Variants in PHC2 observed in about 807,000 individuals in gnomAD.
PHC2 encodes the protein polyhomeotic-like protein 2.
A neutral mutation model predicts 87.4 loss-of-function variants in PHC2; 29 were observed. That is an observed-to-expected ratio of 0.33 (90% CI 0.25 to 0.45). PHC2 has a LOEUF of 0.45. Among genes scored for constraint, PHC2 ranks in the 20% least tolerant of loss-of-function variants. The pLI is 1.00. For synonymous variants in PHC2, 438 were observed against 461.7 expected, an observed-to-expected ratio of 0.95 and a Z score of 0.66; for missense variants, 857 against 1,136.7, an observed-to-expected ratio of 0.75 and a Z score of 3.54.
chr1:33,347,564 T>C lies in PHC2; in HGVS notation c.1558+6837A>G, dbSNP rs185989976. 3,129 of 985,096 alleles carry C rather than the reference T, an allele frequency of 3.2e-3. 9 individuals carry two copies. Among genetic ancestry groups the C allele is most frequent in the South Asian group, 4.9e-3 (104 of 21,262 alleles). 61.0% of individuals were successfully genotyped at this position (985,096 alleles called of 1,614,324 possible). A position where few individuals can be genotyped will look rare whatever the true frequency, so the allele number is the denominator to read the frequency against. On this transcript the variant is annotated intron_variant, in intron 9 of 14. Coordinates refer to ENST00000683057, the MANE Select transcript of PHC2 (RefSeq NM_001385109.1). Reference sequence around the variant, plus strand: ...GTGCCACATGTCAGTAAAGAACAGTTTGGGGGAAAAAAGAAGGGGGTGAAA... The same window carrying C: ...GTGCCACATGTCAGTAAAGAACAGTCTGGGGGAAAAAAGAAGGGGGTGAAA...
chr1:33,346,052 T>C (rs1477730442), intron 9 of PHC2: 1 of 985,266 alleles, frequency 1.0e-6, no homozygotes, highest in Non-Finnish European at 1.2e-6. Flanking sequence ...ATTTAAAGCA[T>C]AAATCTATGT....
chr1:33,408,970 A>G (rs1447562687), intron 1 of PHC2, among the ~76,000 whole-genome samples: 3 of 152,214 alleles, frequency 2.0e-5, no homozygotes, highest in African/African-American at 4.8e-5. Flanking sequence ...AACAATGAGA[A>G]CTACTTTACA....
intron 1 of PHC2, among the ~76,000 whole-genome samples, chr1:33,391,345 T>C (rs1008533674): frequency 6.6e-6 from 1 of 152,226 alleles, no homozygotes; most frequent in East Asian, 1.9e-4. Flanking sequence ...TGATCTGCAC[T>C]TCAAGTCCTA....
chr1:33,423,261 T>C (rs1372305696), intron 1 of PHC2, among the ~76,000 whole-genome samples: 5 of 152,194 alleles, frequency 3.3e-5, no homozygotes, highest in Non-Finnish European at 7.3e-5. Context: ...ATGCAAGCCT[T>C]ATTTGTAACT....
chr1:33,340,485 A>G lies in PHC2; in HGVS notation c.1559-6193T>C, dbSNP rs1023451689. Reference sequence around the variant, plus strand: ...AACCATATCCAGGAGACAGCAGCAAACACAGCACATACCTGGTCCAAGCAA... The same window carrying G: ...AACCATATCCAGGAGACAGCAGCAAGCACAGCACATACCTGGTCCAAGCAA... On this transcript the variant is annotated intron_variant, in intron 9 of 14. Coordinates refer to ENST00000683057, the MANE Select transcript of PHC2 (RefSeq NM_001385109.1). 6.6e-5 allele frequency among the ~76,000 whole-genome samples: 10 copies of G among 152,312 alleles called. 1 individual carries two copies. Among genetic ancestry groups the G allele is most frequent in the African/African-American group, 2.2e-4 (9 of 41,552 alleles).
chr1:33,390,882 T>C (rs1570504397), intron 1 of PHC2, among the ~76,000 whole-genome samples: 5 of 152,306 alleles, frequency 3.3e-5, no homozygotes, highest in Middle Eastern at 3.4e-3. Flanking sequence ...TATGCACCCC[T>C]GAAATGCAGG....
At chr1:33,390,685 ATT>A (rs10616049) in intron 1 of PHC2, among the ~76,000 whole-genome samples, 47,194 of 148,028 alleles carry the variant, frequency 0.32, 7,392 homozygotes, top group Non-Finnish European at 0.34. Flanking sequence ...AGGAGTCAGC[ATT>A]TTTTTTTTTT....
rs955833699 is a variant in PHC2 at position 33,332,813 on chromosome 1, TTC to T, written c.1762-411_1762-410del. Among the ~76,000 whole-genome samples the T allele has an allele frequency of 6.6e-6, 1 of 152,072 alleles. No individual in the cohort carries two copies. The highest frequency in any genetic ancestry group is 2.4e-5 in the African/African-American group (1 of 41,418). ...ACGAGAGAGAGACTCAGCACCCATT[TTC>T]TGATTTTTTTACTGTTCTCCACCTT... On this transcript the variant is annotated intron_variant, in intron 10 of 14. Coordinates refer to ENST00000683057, the MANE Select transcript of PHC2 (RefSeq NM_001385109.1). This position sits in a 1 kb window ranked among gnomAD's most constrained non-coding sequence, Gnocchi z 4.2.
intron 7 of PHC2, among the ~76,000 whole-genome samples, chr1:33,360,592 C>CA (rs1480603847): frequency 2.6e-5 from 4 of 152,226 alleles, no homozygotes; most frequent in Non-Finnish European, 4.4e-5. Flanking sequence ...CAAAGAGATT[C>CA]ACTGCCTTTG....
At chr1:33,372,564 T>TAGG in intron 2 of PHC2, 117 bp from the exon 3 acceptor site, 4 of 865,756 alleles carry the variant, frequency 4.6e-6, no homozygotes, top group African/African-American at 1.8e-5. Flanking sequence ...CACCAAGATC[T>TAGG]GTGACCACCA....
intron 12 of PHC2, 28 bp from the exon 13 acceptor site, chr1:33,330,240 C>T: frequency 1.2e-6 from 2 of 1,611,622 alleles, no homozygotes; most frequent in Non-Finnish European, 8.5e-7. Flanking sequence ...CAGGGGATGT[C>T]ACAGTAGTCA....
intron 7 of PHC2, 76 bp from the exon 8 acceptor site, chr1:33,355,329 C>G: frequency 7.5e-7 from 1 of 1,340,294 alleles, no homozygotes; most frequent in East Asian, 2.4e-5. Context: ...CTGCCCCTCC[C>G]GCATCCAAAT....
At chr1:33,391,810 C>G (rs1557843386) in intron 1 of PHC2, among the ~76,000 whole-genome samples, 1 of 152,148 alleles carries the variant, frequency 6.6e-6, no homozygotes, top group African/African-American at 2.4e-5. Flanking sequence ...AGGCGATGGG[C>G]AACCAGACAC....
At chr1:33,330,501 C>T (rs551403902) in intron 12 of PHC2, among the ~76,000 whole-genome samples, 51 of 152,296 alleles carry the variant, frequency 3.3e-4, no homozygotes, top group African/African-American at 1.2e-3. Context: ...TGGACCAGGG[C>T]GAAAGCTCAC....
In PHC2 at chr1:33,349,575, C is replaced by T. The variant is rs1646918920; in HGVS notation, c.1558+4826G>A. ...CCCGGCCTCCCTACTGGCGAGAACC[C>T]CTCCCCCGCCCCGGCACTGACCTGT... On this transcript the variant is annotated intron_variant, in intron 9 of 14. Coordinates refer to ENST00000683057, the MANE Select transcript of PHC2 (RefSeq NM_001385109.1). The surrounding 1 kb of genome is among the most constrained non-coding windows in gnomAD (Gnocchi z 4.2). 1.0e-6 allele frequency: 1 copy of T among 983,112 alleles called. No homozygotes were observed. The highest frequency in any genetic ancestry group is 1.2e-6 in the Non-Finnish European group (1 of 828,518). 60.9% of individuals were successfully genotyped at this position (983,112 alleles called of 1,614,324 possible).
At chr1:33,354,298 AAT>A in intron 9 of PHC2, 101 bp downstream of exon 9, 4 of 1,097,996 alleles carry the variant, frequency 3.6e-6, no homozygotes, top group Non-Finnish European at 5.3e-6. Context: ...CCTTGCTTGT[AAT>A]AGTTTACCCT....
chr1:33,346,933 T>G (rs975830381), intron 9 of PHC2: 6 of 985,210 alleles, frequency 6.1e-6, no homozygotes, highest in Admixed American at 6.1e-5. Flanking sequence ...TAAGAAAATG[T>G]AGAGAGGGGA....
chr1:33,355,018 G>A lies in PHC2; in HGVS notation c.1212C>T (p.Ala404=), dbSNP rs780893279. The part of the protein sequence containing the change: ...HAMPLGPVTP[A]LPLQCPTANL... ...TGGCAGTGGGACACTGGAGTGGCAGGGCGGGTGTAACCGGGCCTAGTGGCA... is the reference window on the plus strand; with the variant it reads ...TGGCAGTGGGACACTGGAGTGGCAGAGCGGGTGTAACCGGGCCTAGTGGCA... The change falls in exon 8 of 15, where the codon GCC becomes GCT. Residue 404 remains alanine (A), a synonymous_variant. Transcript: ENST00000683057. 3.7e-6 allele frequency: 6 copies of A among 1,613,974 alleles called. No individual in the cohort carries two copies. The highest frequency in any genetic ancestry group is 2.7e-5 in the African/African-American group (2 of 74,950).
intron 13 of PHC2, 26 bp downstream of exon 13, chr1:33,330,045 A>G (rs1408072612): frequency 6.2e-7 from 1 of 1,610,314 alleles, no homozygotes; most frequent in Admixed American, 1.7e-5. Context: ...GTGGGGATGG[A>G]GCTTCAGGCT....
Sources: allele counts gnomAD v4.1 joint callset (sites outside exome capture counted in the v4.1 genomes callset), GRCh38; gene constraint gnomAD v4.1.1; non-coding constraint Gnocchi (gnomAD v3.1); transcripts MANE v1.5; gene names NCBI Gene and HGNC (gene_info 2026-07-23, HGNC 2026-07-21).